The following GRM5 variants were observed in gnomAD, a reference collection of about 807,000 sequenced individuals.
GRM5 encodes the protein glutamate metabotropic receptor 5.
Under a neutral mutation model 83.1 loss-of-function variants are expected in GRM5, and 19 were observed. The observed-to-expected ratio is 0.23, with a 90% CI of 0.16 to 0.34. GRM5 has a LOEUF of 0.34. Among genes scored for constraint, GRM5 ranks in the 10% least tolerant of loss-of-function variants. The pLI, the probability that GRM5 is intolerant of heterozygous loss-of-function variation, is 1.00. For missense variants in GRM5, 1,160 were observed against 1,588.3 expected (o/e 0.73, Z 4.58); for synonymous variants, 675 against 633.6 (o/e 1.07, Z -0.98).
chr11:88,964,903 A>T (rs1333343063), intron 2 of GRM5, among the ~76,000 whole-genome samples: 1 of 152,192 alleles, frequency 6.6e-6, no homozygotes, highest in East Asian at 1.9e-4. Flanking sequence ...TGACATCTTT[A>T]AAGTGCTGAA....
At chr11:88,889,010 TA>T in intron 2 of GRM5, among the ~76,000 whole-genome samples, 1 of 152,298 alleles carries the variant, frequency 6.6e-6, no homozygotes, top group African/African-American at 2.4e-5. Flanking sequence ...CTTCTTATGC[TA>T]AGTCAGTTTC....
At chr11:89,058,860 G>A (rs1408577625) in intron 1 of GRM5, among the ~76,000 whole-genome samples, 1 of 152,048 alleles carries the variant, frequency 6.6e-6, no homozygotes, top group African/African-American at 2.4e-5. Flanking sequence ...ATTTTAACAA[G>A]ACTGCAACAA....
chr11:88,895,718 C>T (rs1249855702), intron 2 of GRM5, among the ~76,000 whole-genome samples: 1 of 151,818 alleles, frequency 6.6e-6, no homozygotes, highest in Admixed American at 6.6e-5. Context: ...AATATGTGAA[C>T]TATTTTAAAT....
Position 88,508,877 on chromosome 11 carries a change from C to A in GRM5, c.3354G>T (p.Leu1118=), listed in dbSNP as rs767608328. The A allele has an allele frequency of 6.3e-7, 1 of 1,590,082 alleles. No homozygotes were observed. The highest frequency in any genetic ancestry group is 1.1e-5 in the South Asian group (1 of 87,256). ...CGCCTCCCGTGACTTCGATGGCCGG[C>A]AGAGGCTGGATTTCGGCAAAGGTCG... is the stretch of plus-strand genomic sequence containing the variant. ...TMTTFAEIQP[L]PAIEVTGGAQ... Residue 1118 remains leucine (L), a synonymous_variant, in exon 10 of 10, where the codon CTG becomes CTT. Coordinates refer to ENST00000305447, the MANE Select transcript of GRM5 (RefSeq NM_001143831.3). This position sits in a 1 kb window ranked among gnomAD's most constrained non-coding sequence, Gnocchi z 4.2.
chr11:88,917,382 T>C (rs536176446), intron 2 of GRM5, among the ~76,000 whole-genome samples: 1 of 152,276 alleles, frequency 6.6e-6, no homozygotes, highest in Admixed American at 6.5e-5. Context: ...TAGGTATAAA[T>C]AAGCTCAGAC....
chr11:88,700,751 G>A (rs1485525668), intron 3 of GRM5, among the ~76,000 whole-genome samples: 1 of 152,022 alleles, frequency 6.6e-6, no homozygotes, highest in Non-Finnish European at 1.5e-5. Flanking sequence ...CATGTAGATG[G>A]GACCCACTGG....
intron 4 of GRM5, among the ~76,000 whole-genome samples, chr11:88,622,800 A>T (rs1411191610): frequency 6.6e-6 from 1 of 152,224 alleles, no homozygotes; most frequent in Non-Finnish European, 1.5e-5. Context: ...TAGAGGAATT[A>T]GTCTCATGCG....
chr11:88,983,113 C>T (rs763976693), intron 2 of GRM5, among the ~76,000 whole-genome samples: 1 of 152,162 alleles, frequency 6.6e-6, no homozygotes, highest in Non-Finnish European at 1.5e-5. Flanking sequence ...ATGATATAGC[C>T]TCCTTTTTCA....
At chr11:89,007,132 A>G (rs1316332235) in intron 2 of GRM5, among the ~76,000 whole-genome samples, 2 of 152,120 alleles carry the variant, frequency 1.3e-5, no homozygotes, top group Admixed American at 1.3e-4. Context: ...AAGTGTGCCT[A>G]TCCCACCCTT....
intron 2 of GRM5, among the ~76,000 whole-genome samples, chr11:88,930,837 G>A (rs1437546364): frequency 6.6e-6 from 1 of 151,990 alleles, no homozygotes; most frequent in Admixed American, 6.6e-5. Context: ...GCATGAATGA[G>A]TCACCACACT....
At chr11:89,001,951 A>G (rs552043823) in intron 2 of GRM5, among the ~76,000 whole-genome samples, 9 of 152,244 alleles carry the variant, frequency 5.9e-5, no homozygotes, top group African/African-American at 2.2e-4. Flanking sequence ...CTCTAACTGA[A>G]GCGTAATTTT....
At chr11:88,899,950 T>C (rs1337274065) in intron 2 of GRM5, among the ~76,000 whole-genome samples, 2 of 152,080 alleles carry the variant, frequency 1.3e-5, no homozygotes, top group Admixed American at 1.3e-4. Flanking sequence ...TCCTCCCAAC[T>C]TCATTTAATA....
intron 2 of GRM5, among the ~76,000 whole-genome samples, chr11:88,880,716 T>C (rs190313317): frequency 6.9e-4 from 105 of 152,264 alleles, no homozygotes; most frequent in Middle Eastern, 3.4e-3. Context: ...TATCGGGAAA[T>C]CTTAAGCAAA....
chr11:88,803,266 C>T (rs12276335), intron 3 of GRM5, among the ~76,000 whole-genome samples: 17,621 of 150,912 alleles, frequency 0.12, 2,147 homozygotes, highest in African/African-American at 0.31. Flanking sequence ...GGAGGCATCA[C>T]GCTACCTGAC....
At chr11:88,888,483 T>C (rs1945083760) in intron 2 of GRM5, among the ~76,000 whole-genome samples, 1 of 152,174 alleles carries the variant, frequency 6.6e-6, no homozygotes, top group Admixed American at 6.5e-5. Context: ...TTTTTCCTTT[T>C]TTCACTGTTT....
At chr11:88,955,525 T>C (rs546937611) in intron 2 of GRM5, among the ~76,000 whole-genome samples, 46 of 152,278 alleles carry the variant, frequency 3.0e-4, no homozygotes, top group Non-Finnish European at 5.6e-4. Context: ...ATACAGAAAA[T>C]AATTTGCCAT....
At chr11:88,834,459 C>G (rs1366977235) in intron 3 of GRM5, among the ~76,000 whole-genome samples, 1 of 152,138 alleles carries the variant, frequency 6.6e-6, no homozygotes, top group Admixed American at 6.6e-5. Flanking sequence ...ATATTCTGAA[C>G]TAATGACTGA....
intron 2 of GRM5, among the ~76,000 whole-genome samples, chr11:88,933,116 T>C (rs1231234317): frequency 1.3e-5 from 2 of 151,626 alleles, no homozygotes; most frequent in African/African-American, 4.8e-5. Context: ...ACTTTCTATC[T>C]TTTAATAAAC....
At chr11:89,065,424 A>G (rs545903440) in intron 1 of GRM5, among the ~76,000 whole-genome samples, 78 of 148,548 alleles carry the variant, frequency 5.3e-4, no homozygotes, top group African/African-American at 1.7e-3. Context: ...TTCGTTTTCT[A>G]TGGAAACAAG....
Sources: gnomAD v4.1 joint callset for allele counts (sites outside exome capture counted in the v4.1 genomes callset) on GRCh38, gnomAD v4.1.1 for gene constraint, Gnocchi (gnomAD v3.1) non-coding constraint, MANE v1.5 for transcripts, NCBI Gene and HGNC (gene_info 2026-07-23, HGNC 2026-07-21) for gene names.